Variants in RP1 observed in about 807,000 individuals in gnomAD.
RP1 encodes RP1 axonemal microtubule associated, also known as oxygen-regulated protein 1.
Under a neutral mutation model 14.8 loss-of-function variants are expected in RP1, and 16 were observed. The observed-to-expected ratio is 1.08, with a 90% confidence interval of 0.73 to 1.65. The LOEUF (loss-of-function observed/expected upper bound fraction) is 1.65. Among genes scored for constraint, RP1 ranks in the 40% most tolerant of loss-of-function variants. The pLI is 0.00. For synonymous variants in RP1, 876 were observed against 883.6 expected (o/e 0.99, Z 0.15); for missense variants, 2,631 against 2,535.0 (o/e 1.04, Z -0.81).
intron 22 of RP1, among the ~76,000 whole-genome samples, chr8:54,760,774 C>A (rs773939870): frequency 2.0e-5 from 3 of 152,182 alleles, no homozygotes; most frequent in Non-Finnish European, 4.4e-5. Context: ...CTCAAGAGGA[C>A]CTTTCCTTGC....
chr8:54,570,605 G>A (rs1037443655), intron 1 of RP1, among the ~76,000 whole-genome samples: 2 of 151,398 alleles, frequency 1.3e-5, no homozygotes, highest in South Asian at 4.2e-4. Context: ...TAGAATTACA[G>A]GTGTGAGCCA....
At chr8:54,685,759 A>T (rs1019349428) in intron 12 of RP1, among the ~76,000 whole-genome samples, 11 of 152,174 alleles carry the variant, frequency 7.2e-5, no homozygotes, top group African/African-American at 2.2e-4. Context: ...TGGGGAAGCC[A>T]AAAGACTGGA....
intron 16 of RP1, among the ~76,000 whole-genome samples, chr8:54,720,990 G>A (rs1808522325): frequency 6.6e-6 from 1 of 152,034 alleles, no homozygotes; most frequent in Non-Finnish European, 1.5e-5. Context: ...CTGAATTTTG[G>A]CTTACTCAAT....
chr8:54,792,950 G>C (rs142520208), intron 24 of RP1, among the ~76,000 whole-genome samples: 2 of 151,334 alleles, frequency 1.3e-5, no homozygotes, highest in African/African-American at 4.8e-5. Context: ...TAGACTAATC[G>C]AGAAAAAAAG....
At chr8:54,607,633 C>T (rs976433199) in intron 1 of RP1, among the ~76,000 whole-genome samples, 17 of 152,188 alleles carry the variant, frequency 1.1e-4, no homozygotes, top group African/African-American at 3.6e-4. Flanking sequence ...CTATGCCCTG[C>T]CCCCAGAGGT....
exon 16 of RP1, chr8:54,720,191 C>T (rs1276117653): frequency 1.3e-6 from 2 of 1,535,656 alleles, no homozygotes; most frequent in African/African-American, 1.4e-5. Flanking sequence ...CATCCATAAG[C>T]CTGGAATCTA....
intron 19 of RP1, among the ~76,000 whole-genome samples, chr8:54,741,239 GC>G (rs1222329684): frequency 6.6e-6 from 1 of 152,018 alleles, no homozygotes; most frequent in Non-Finnish European, 1.5e-5. Flanking sequence ...TGTTAATGAA[GC>G]CTACAGTAGT....
intron 1 of RP1, among the ~76,000 whole-genome samples, chr8:54,598,212 T>G (rs1454441524): frequency 6.6e-6 from 1 of 152,192 alleles, no homozygotes; most frequent in African/African-American, 2.4e-5. Context: ...ATTTTTCATT[T>G]CTTTCTTTCA....
intron 15 of RP1, among the ~76,000 whole-genome samples, chr8:54,715,712 G>T (rs113522237): frequency 3.3e-5 from 5 of 152,232 alleles, no homozygotes; most frequent in African/African-American, 1.2e-4. Flanking sequence ...TCAAAGAGAG[G>T]AGAGGACATT....
At chr8:54,731,405 C>T (rs926193399) in intron 17 of RP1, among the ~76,000 whole-genome samples, 54 of 152,046 alleles carry the variant, frequency 3.6e-4, no homozygotes, top group African/African-American at 1.3e-3. Flanking sequence ...AAATATTCTC[C>T]TAGCTTAGAG....
intron 1 of RP1, among the ~76,000 whole-genome samples, chr8:54,594,667 T>C (rs1300622040): frequency 6.6e-6 from 1 of 152,232 alleles, no homozygotes; most frequent in African/African-American, 2.4e-5. Context: ...TGATTATGTA[T>C]TCATTCTTTT....
chr8:54,758,861 A>G, intron 21 of RP1: 1 of 1,501,510 alleles, frequency 6.7e-7, no homozygotes, highest in Non-Finnish European at 8.9e-7. Flanking sequence ...TATTGCCTGC[A>G]TTTGTCATGC....
rs1386612986 is a variant in RP1 at position 54,708,724 on chromosome 8, T to C, written c.2211+2069T>C. Among the ~76,000 whole-genome samples the C allele has an allele frequency of 4.6e-5, 7 of 152,272 alleles. No individual in the cohort carries two copies. In the East Asian group the frequency reaches 1.4e-3, roughly 29 times the overall value. On this transcript the variant is annotated intron_variant, in intron 15 of 22. Transcript: ENST00000636932. Reference sequence around the variant, plus strand: ...CTCTCTCTGACTCTTCCATTTTTTTTTTTTTTCTCAGTGTGCTGGTTATCT... The same window carrying C: ...CTCTCTCTGACTCTTCCATTTTTTTCTTTTTTCTCAGTGTGCTGGTTATCT...
rs1283674617 is a variant in RP1 at position 54,765,736 on chromosome 8, T to C, written c.3249-4005T>C. On this transcript the variant is annotated intron_variant, in intron 22 of 22. Transcript: ENST00000636932. ...TTATCCCTCAAGGCCCAGGATAAAA[T>C]GTTATCCATGCCATGAAGCTTTCTC... 4.6e-5 allele frequency among the ~76,000 whole-genome samples: 7 copies of C among 152,318 alleles called. No individual in the cohort carries two copies. In the East Asian group the frequency reaches 1.4e-3, roughly 29 times the overall value.
At chr8:54,699,684 T>C (rs978218066) in intron 13 of RP1, 1 of 436,204 alleles carries the variant, frequency 2.3e-6, no homozygotes, top group African/African-American at 2.0e-5. Context: ...CTAGCACTTT[T>C]TTCATTCTGT....
At chr8:54,688,539 A>T (rs913316283) in intron 12 of RP1, among the ~76,000 whole-genome samples, 1 of 152,192 alleles carries the variant, frequency 6.6e-6, no homozygotes, top group East Asian at 1.9e-4. Context: ...ATGGCTAGCC[A>T]GTTTTCCCAG....
chr8:54,579,624 T>C (rs1332407966), intron 1 of RP1, among the ~76,000 whole-genome samples: 1 of 152,206 alleles, frequency 6.6e-6, no homozygotes, highest in African/African-American at 2.4e-5. Flanking sequence ...CTGATCCTGA[T>C]TCAAAGCTTT....
intron 22 of RP1, chr8:54,769,653 A>G (rs1809853323): frequency 1.1e-6 from 1 of 947,844 alleles, no homozygotes; most frequent in Non-Finnish European, 1.6e-6. Context: ...TGCAGAATCA[A>G]CCTTATTTTA....
At chr8:54,673,477 C>T (rs537324153) in intron 7 of RP1, among the ~76,000 whole-genome samples, 16 of 152,252 alleles carry the variant, frequency 1.1e-4, no homozygotes, top group Admixed American at 2.0e-4. Flanking sequence ...CCGTGGCCCA[C>T]GCCTGTAATC....
Sources: allele counts gnomAD v4.1 joint callset (sites outside exome capture counted in the v4.1 genomes callset), GRCh38; gene constraint gnomAD v4.1.1; transcripts MANE v1.5; gene names NCBI Gene and HGNC (gene_info 2026-07-23, HGNC 2026-07-21).